Variants in CEP170 observed in about 807,000 individuals in gnomAD.
The protein encoded by CEP170 is centrosomal protein of 170 kDa.
CEP170 carries 21 observed loss-of-function variants against 151.9 expected under a neutral mutation model. The observed-to-expected ratio is 0.14, with a 90% CI of 0.10 to 0.20. The LOEUF is 0.20. Ranked by LOEUF, CEP170 falls within the 10% of genes least tolerant of loss-of-function variation. CEP170 has a pLI of 1.00. For synonymous variants in CEP170, 356 were observed against 648.8 expected, an observed-to-expected ratio of 0.55 and a Z score of 6.86; for missense variants, 964 against 1,892.9, an observed-to-expected ratio of 0.51 and a Z score of 9.11.
chr1:243,241,358 A>G (rs1406102060), intron 1 of CEP170, among the ~76,000 whole-genome samples: 1 of 152,250 alleles, frequency 6.6e-6, no homozygotes, highest in Non-Finnish European at 1.5e-5. Context: ...TTTCTTTACC[A>G]AAATGTCATT....
intron 1 of CEP170, among the ~76,000 whole-genome samples, chr1:243,251,916 A>G (rs2065971491): frequency 6.6e-6 from 1 of 152,164 alleles, no homozygotes; most frequent in South Asian, 2.1e-4. Flanking sequence ...CATTTCTGCT[A>G]AACTGGACAA....
At chr1:243,178,232 G>C (rs1023317984) in intron 10 of CEP170, among the ~76,000 whole-genome samples, 3 of 136,706 alleles carry the variant, frequency 2.2e-5, no homozygotes, top group African/African-American at 5.4e-5. Flanking sequence ...GCGAGGCTGA[G>C]ACAGGAGAAT....
intron 1 of CEP170, among the ~76,000 whole-genome samples, chr1:243,237,395 A>G (rs2149101373): frequency 6.6e-6 from 1 of 152,310 alleles, no homozygotes; most frequent in South Asian, 2.1e-4. Flanking sequence ...TTAAATTTAC[A>G]TATTCATATA....
intron 10 of CEP170, among the ~76,000 whole-genome samples, chr1:243,173,162 G>A (rs1255011690): frequency 6.6e-6 from 1 of 151,772 alleles, no homozygotes; most frequent in Non-Finnish European, 1.5e-5. Context: ...CCGGGTTCAA[G>A]AGGTTTTCCT....
At chr1:243,158,940 G>A (rs1329032882) in intron 13 of CEP170, among the ~76,000 whole-genome samples, 1 of 151,910 alleles carries the variant, frequency 6.6e-6, no homozygotes, top group African/African-American at 2.4e-5. Flanking sequence ...GGTAGGGCGC[G>A]CCTGTAATCC....
Position 243,186,338 on chromosome 1 carries a change from T to A in CEP170, c.1193A>T (p.Glu398Val). 1 of 1,613,782 alleles carries A rather than the reference T, an allele frequency of 6.2e-7. No individual in the cohort carries two copies. The change falls in exon 9 of 20, where the codon GAA (glutamate) becomes GTA (valine). Residue 398 changes from glutamate to valine, a missense_variant. Glu to Val is a moderately radical substitution (Grantham distance 121). Transcript: ENST00000366542. ...RRCSKRATLE[E>V]HLRRHHSEHK... ...TTCTGAATGGTGGCGTCTTAAGTGT[T>A]CCTCAAGAGTTGCACGTTTGCTACA...
At chr1:243,155,387 T>C (rs550888585) in intron 14 of CEP170, among the ~76,000 whole-genome samples, 1 of 152,100 alleles carries the variant, frequency 6.6e-6, no homozygotes, top group Non-Finnish European at 1.5e-5. Flanking sequence ...ATCTATGAAA[T>C]ATTATGTATA....
chr1:243,244,320 G>T (rs1459018492), intron 1 of CEP170, among the ~76,000 whole-genome samples: 2 of 149,290 alleles, frequency 1.3e-5, no homozygotes, highest in Admixed American at 6.8e-5. Flanking sequence ...AAAAAATCTA[G>T]AATAACCCCC....
At chr1:243,225,124 C>T (rs2063124325) in intron 2 of CEP170, 52 bp downstream of exon 2, 2 of 1,069,220 alleles carry the variant, frequency 1.9e-6, no homozygotes, top group Non-Finnish European at 2.6e-6. Flanking sequence ...AAAGATTTTA[C>T]ACTAATTTCA....
intron 1 of CEP170, 134 bp downstream of exon 1, chr1:243,254,906 A>AGCCCCGCACCCCC (rs1358371252): frequency 6.6e-6 from 1 of 152,016 alleles, no homozygotes; most frequent in Non-Finnish European, 1.5e-5. Flanking sequence ...TTCGCGGTCC[A>AGCCCCGCACCCCC]GCCCCGCACC....
chr1:243,239,665 C>T (rs1381875301), intron 1 of CEP170, among the ~76,000 whole-genome samples: 2 of 152,168 alleles, frequency 1.3e-5, no homozygotes, highest in Non-Finnish European at 2.9e-5. Context: ...TCATAGTGAG[C>T]TTTCTCCAGC....
At chr1:243,190,083 C>T (rs541801992) in intron 8 of CEP170, among the ~76,000 whole-genome samples, 1 of 152,136 alleles carries the variant, frequency 6.6e-6, no homozygotes, top group South Asian at 2.1e-4. Flanking sequence ...AAATCAGGGA[C>T]AGTCTTGTCA....
intron 10 of CEP170, among the ~76,000 whole-genome samples, chr1:243,177,402 CTTATT>C (rs982277862): frequency 6.6e-5 from 10 of 152,176 alleles, no homozygotes; most frequent in South Asian, 6.2e-4. Flanking sequence ...CTTCTACAAT[CTTATT>C]TTAAAGTAAC....
chr1:243,221,173 C>G (rs999538716), intron 3 of CEP170, among the ~76,000 whole-genome samples: 2 of 152,086 alleles, frequency 1.3e-5, no homozygotes, highest in Non-Finnish European at 2.9e-5. Flanking sequence ...TACAGGAGCC[C>G]GCCACCACAC....
At chr1:243,151,621 A>C (rs1168016871) in intron 14 of CEP170, among the ~76,000 whole-genome samples, 6 of 152,280 alleles carry the variant, frequency 3.9e-5, no homozygotes, top group Non-Finnish European at 5.9e-5. Flanking sequence ...AGGTTGGTTC[A>C]TGAGGCTTAA....
At chr1:243,223,728 G>A (rs750339676) in intron 2 of CEP170, among the ~76,000 whole-genome samples, 7 of 152,248 alleles carry the variant, frequency 4.6e-5, no homozygotes, top group African/African-American at 1.2e-4. Context: ...AGAATACATC[G>A]TTTGTTTGTT....
chr1:243,177,278 TAATTC>T (rs2059318928), intron 10 of CEP170, among the ~76,000 whole-genome samples: 1 of 152,230 alleles, frequency 6.6e-6, no homozygotes, highest in African/African-American at 2.4e-5. Flanking sequence ...AGCAAAATGA[TAATTC>T]AATAGCAATA....
intron 14 of CEP170, among the ~76,000 whole-genome samples, chr1:243,153,267 G>A (rs2057276546): frequency 6.6e-6 from 1 of 152,310 alleles, no homozygotes; most frequent in Admixed American, 6.5e-5. Context: ...ATCTACTGGT[G>A]AAGCTGTTGT....
chr1:243,247,730 C>T (rs529918503), intron 1 of CEP170, among the ~76,000 whole-genome samples: 29 of 152,260 alleles, frequency 1.9e-4, no homozygotes, highest in Admixed American at 3.3e-4. Flanking sequence ...AACTGCCTAT[C>T]GGGATAGAGT....
Sources: allele counts gnomAD v4.1 joint callset (sites outside exome capture counted in the v4.1 genomes callset), GRCh38; gene constraint gnomAD v4.1.1; transcripts MANE v1.5; gene names NCBI Gene and HGNC (gene_info 2026-07-23, HGNC 2026-07-21).